CHL1: variants seen among roughly 807,000 people sequenced by gnomAD.
CHL1 encodes the protein cell adhesion molecule L1 like, also known as neural cell adhesion molecule L1-like protein.
In CHL1, 96 loss-of-function variants were observed where a neutral mutation model predicts 141.9. The ratio of observed to expected loss-of-function variants is 0.68; its 90% CI spans 0.57 to 0.80. CHL1 has a LOEUF of 0.80. Among genes scored for constraint, CHL1 ranks in the 30% least tolerant of loss-of-function variants. The pLI, the probability that CHL1 is intolerant of heterozygous loss-of-function variation, is 0.00. For missense variants in CHL1, 1,820 were observed against 1,457.2 expected (o/e 1.25, Z -4.05); for synonymous variants, 613 against 502.2 (o/e 1.22, Z -2.95).
intron 11 of CHL1, among the ~76,000 whole-genome samples, chr3:356,678 G>T (rs1325346953): frequency 2.0e-5 from 3 of 152,146 alleles, no homozygotes; most frequent in African/African-American, 7.2e-5. Flanking sequence ...GAGGAAGTCA[G>T]CCACCTAAAT....
intron 2 of CHL1, among the ~76,000 whole-genome samples, chr3:284,127 T>A (rs1304723076): frequency 6.6e-6 from 1 of 152,176 alleles, no homozygotes; most frequent in Non-Finnish European, 1.5e-5. Flanking sequence ...TTACAGACTT[T>A]CGGTGGAACT....
chr3:382,423 C>A, intron 17 of CHL1, 51 bp from the exon 18 acceptor site: 1 of 1,524,946 alleles, frequency 6.6e-7, no homozygotes, highest in Non-Finnish European at 9.1e-7. Flanking sequence ...TTTGGTATAA[C>A]TTATCCATAC....
chr3:302,882 C>G (rs536069121), intron 2 of CHL1, among the ~76,000 whole-genome samples: 48 of 152,094 alleles, frequency 3.2e-4, no homozygotes, highest in Non-Finnish European at 5.7e-4. Flanking sequence ...CTAGGTCTTA[C>G]GTTTAAGTCT....
chr3:322,650 ATATATATATATATATATATAAT>A (rs1185254291), intron 3 of CHL1, among the ~76,000 whole-genome samples: 1 of 72,764 alleles, frequency 1.4e-5, no homozygotes, highest in Non-Finnish European at 2.5e-5. Flanking sequence ...TATAAAATAT[ATATATATATATATATATATAAT>A]TATATATATA....
chr3:249,467 C>A (rs1010790800), intron 2 of CHL1, among the ~76,000 whole-genome samples: 1 of 152,086 alleles, frequency 6.6e-6, no homozygotes, highest in Non-Finnish European at 1.5e-5. Context: ...TGTAATCTAC[C>A]TTTCTTAAGG....
At chr3:364,333 G>A (rs1255648061) in intron 14 of CHL1, among the ~76,000 whole-genome samples, 1 of 152,144 alleles carries the variant, frequency 6.6e-6, no homozygotes, top group Non-Finnish European at 1.5e-5. Flanking sequence ...ACATTTTCAA[G>A]TGTCATGTAC....
At chr3:366,233 G>T in intron 15 of CHL1, 118 bp downstream of exon 15, 1 of 922,394 alleles carries the variant, frequency 1.1e-6, no homozygotes, top group Non-Finnish European at 1.7e-6. Context: ...CACTTTGGGA[G>T]ACCGAGGCGA....
At chr3:256,719 T>A (rs574665565) in intron 2 of CHL1, among the ~76,000 whole-genome samples, 4 of 152,310 alleles carry the variant, frequency 2.6e-5, no homozygotes, top group Admixed American at 1.3e-4. Context: ...AAAATTCCCA[T>A]GAAAATTTGG....
At chr3:362,024 G>A (rs1704306136) in intron 13 of CHL1, among the ~76,000 whole-genome samples, 1 of 152,188 alleles carries the variant, frequency 6.6e-6, no homozygotes, top group South Asian at 2.1e-4. Flanking sequence ...GAGACATACA[G>A]AGAGCCACTT....
intron 19 of CHL1, among the ~76,000 whole-genome samples, chr3:384,965 C>A (rs891209740): frequency 7.2e-5 from 11 of 152,022 alleles, no homozygotes; most frequent in African/African-American, 2.7e-4. Context: ...ATTTCCACTT[C>A]AGTGAAATTA....
At chr3:293,524 CT>C (rs1346593192) in intron 2 of CHL1, among the ~76,000 whole-genome samples, 2 of 151,960 alleles carry the variant, frequency 1.3e-5, no homozygotes, top group African/African-American at 4.8e-5. Flanking sequence ...TAAAAAAACC[CT>C]AATTGAATCT....
intron 14 of CHL1, 117 bp downstream of exon 14, chr3:363,500 G>C: frequency 1.0e-6 from 1 of 961,244 alleles, no homozygotes; most frequent in Non-Finnish European, 1.5e-6. Flanking sequence ...TCTTTGAACC[G>C]TTTTTCAAAA....
At chr3:320,667 C>G (rs967974892) in intron 3 of CHL1, among the ~76,000 whole-genome samples, 2 of 151,690 alleles carry the variant, frequency 1.3e-5, no homozygotes, top group Non-Finnish European at 2.9e-5. Context: ...CATTGCACGC[C>G]AACCTGGACA....
At chr3:243,660 T>C (rs541861532) in intron 1 of CHL1, among the ~76,000 whole-genome samples, 4 of 152,312 alleles carry the variant, frequency 2.6e-5, no homozygotes, top group African/African-American at 9.6e-5. Context: ...GCTTTTGGAA[T>C]AAGGCCAAAA....
At chr3:320,323 A>C (rs1700463636) in intron 3 of CHL1, among the ~76,000 whole-genome samples, 1 of 152,088 alleles carries the variant, frequency 6.6e-6, no homozygotes, top group Admixed American at 6.6e-5. Flanking sequence ...CAAAACAATA[A>C]GCCATTTTAC....
At chr3:359,829 G>C (rs1031837199) in intron 11 of CHL1, among the ~76,000 whole-genome samples, 3 of 152,156 alleles carry the variant, frequency 2.0e-5, no homozygotes, top group South Asian at 2.1e-4. Context: ...GAGAGGCAGA[G>C]AACTGAAACG....
At chr3:312,782 A>G (rs1699857061) in intron 2 of CHL1, among the ~76,000 whole-genome samples, 1 of 152,228 alleles carries the variant, frequency 6.6e-6, no homozygotes, top group African/African-American at 2.4e-5. Flanking sequence ...CCATTTTATC[A>G]TGGAGAGAAA....
At chr3:242,855 T>A (rs1692796559) in intron 1 of CHL1, among the ~76,000 whole-genome samples, 1 of 152,188 alleles carries the variant, frequency 6.6e-6, no homozygotes, top group Non-Finnish European at 1.5e-5. Flanking sequence ...ACAGTCTCCA[T>A]GCCTAATGTC....
intron 1 of CHL1, among the ~76,000 whole-genome samples, chr3:201,961 A>T (rs1698986186): frequency 6.6e-6 from 1 of 152,156 alleles, no homozygotes; most frequent in African/African-American, 2.4e-5. Context: ...GAGGGTATAC[A>T]TTTCCTTTTA....
Sources: allele counts gnomAD v4.1 joint callset (sites outside exome capture counted in the v4.1 genomes callset), GRCh38; gene constraint gnomAD v4.1.1; transcripts MANE v1.5; gene names NCBI Gene and HGNC (gene_info 2026-07-23, HGNC 2026-07-21).